MGA: variants seen among roughly 807,000 people sequenced by gnomAD.
The protein encoded by MGA is MAX dimerization protein MGA.
A neutral mutation model predicts 261.1 loss-of-function variants in MGA; 40 were observed. The ratio of observed to expected loss-of-function variants is 0.15; its 90% CI spans 0.12 to 0.20. MGA has a LOEUF of 0.20. MGA is among the 10% of genes least tolerant of loss of function. The pLI is 1.00. For synonymous variants in MGA, 1,302 were observed against 1,290.6 expected (o/e 1.01, Z -0.19); for missense variants, 3,397 against 3,630.5 (o/e 0.94, Z 1.65).
intron 11 of MGA, among the ~76,000 whole-genome samples, chr15:41,729,773 T>C (rs1203574700): frequency 6.6e-6 from 1 of 152,188 alleles, no homozygotes; most frequent in African/African-American, 2.4e-5. Context: ...GGTTGGAGGT[T>C]GCAGTGAGCT....
At chr15:41,625,813 G>C (rs906095695) in intron 1 of MGA, among the ~76,000 whole-genome samples, 22 of 152,156 alleles carry the variant, frequency 1.4e-4, no homozygotes, top group African/African-American at 5.1e-4. Context: ...TAATGACTTG[G>C]AAAGCATGTG....
intron 9 of MGA, among the ~76,000 whole-genome samples, chr15:41,725,320 T>C (rs1428474200): frequency 1.3e-5 from 2 of 152,126 alleles, no homozygotes; most frequent in Non-Finnish European, 2.9e-5. Context: ...AAAGAAAATT[T>C]TTTTTCTTTA....
chr15:41,686,275 G>A (rs962559972), intron 2 of MGA, among the ~76,000 whole-genome samples: 1 of 152,118 alleles, frequency 6.6e-6, no homozygotes, highest in Non-Finnish European at 1.5e-5. Context: ...CACTTTGGGA[G>A]GCCGAGGTAG....
intron 1 of MGA, among the ~76,000 whole-genome samples, chr15:41,625,743 A>T (rs994712687): frequency 1.3e-5 from 2 of 152,116 alleles, no homozygotes; most frequent in Admixed American, 1.3e-4. Flanking sequence ...AAATAAATAA[A>T]TACGGTGCCT....
At position 41,682,801 on chromosome 15, in the gene MGA, CCTGTATCTTAAG is replaced by C. The variant is rs574049326; in HGVS notation, c.1064+12848_1064+12859del. Among the ~76,000 whole-genome samples the C allele has an allele frequency of 4.8e-3, 728 of 152,104 alleles. 6 individuals are homozygous for C. Among genetic ancestry groups the C allele is most frequent in the African/African-American group, 0.017 (705 of 41,476 alleles). ...CGGCCTCATGTACGTTCTTTTGTGT[CCTGTATCTTAAG>C]CTGTCTTTACTGGTTTGTGTTGTTT... On this transcript the variant is annotated intron_variant, in intron 2 of 23. Coordinates refer to ENST00000219905, the MANE Select transcript of MGA (RefSeq NM_001164273.2).
Position 41,693,377 on chromosome 15 carries a change from C to A in MGA, c.1065-2698C>A, listed in dbSNP as rs371255206. Among the ~76,000 whole-genome samples the A allele has an allele frequency of 7.2e-3, 1,001 of 138,974 alleles. 13 individuals carry two copies. The highest frequency in any genetic ancestry group is 0.026 in the African/African-American group (959 of 37,126). 91.2% of individuals were successfully genotyped at this position (138,974 alleles called of 152,430 possible). ...TCTGTGTCCATGCGTTCTCATTGTT[C>A]AATTCCCACCTATGAGTGAGAATAT... On this transcript the variant is annotated intron_variant, in intron 2 of 23. Transcript: ENST00000219905.
rs1481337172 is a variant in MGA at position 41,710,780 on chromosome 15, G to A, written c.2515G>A (p.Glu839Lys). The A allele has an allele frequency of 6.2e-6, 10 of 1,613,888 alleles. No homozygotes were observed. The highest frequency in any genetic ancestry group is 8.5e-6 in the Non-Finnish European group (10 of 1,179,830). ...CTTGGAAAATGAAGGCAAGCTGATG[G>A]AAACAAGCATGGGTTTTTCTTCTAA... Residue 839 changes from glutamate to lysine, a missense_variant, in exon 8 of 24, where the codon GAA becomes AAA. By Grantham distance (56) the Glu-to-Lys change is moderately conservative. This residue lies in a region of MGA where 519 missense variants were observed against 554.1 expected (regional missense o/e 0.94). Transcript: ENST00000219905.
At chr15:41,626,964 A>C (rs2056470803) in intron 1 of MGA, among the ~76,000 whole-genome samples, 1 of 152,146 alleles carries the variant, frequency 6.6e-6, no homozygotes, top group Non-Finnish European at 1.5e-5. Context: ...TCCTGGGTTC[A>C]AGTGATCCTC....
At position 41,686,858 on chromosome 15, in the gene MGA, A is replaced by G. The variant is rs184101176; in HGVS notation, c.1065-9217A>G. ...CCATGATGATATCATCCTTTTTAAT[A>G]TTACTGGTTTCAATTTGCTAATATT... On this transcript the variant is annotated intron_variant, in intron 2 of 23. Transcript: ENST00000219905. 2.0e-5 allele frequency among the ~76,000 whole-genome samples: 3 copies of G among 152,130 alleles called. No homozygotes were observed. In the East Asian group the frequency reaches 5.8e-4, roughly 29 times the overall value.
chr15:41,658,735 T>A (rs2057263343), upstream of MGA, among the ~76,000 whole-genome samples: 3 of 151,154 alleles, frequency 2.0e-5, no homozygotes. Context: ...TTAAAGTATC[T>A]AGTATTTAGT....
chr15:41,695,984 G>T (rs1328972499), intron 2 of MGA, 91 bp from the exon 3 acceptor site: 4 of 984,004 alleles, frequency 4.1e-6, no homozygotes, highest in South Asian at 1.7e-5. Flanking sequence ...GTGTTACTTG[G>T]ATTCCTAACA....
At chr15:41,626,854 A>G (rs767122761) in intron 1 of MGA, among the ~76,000 whole-genome samples, 10 of 152,166 alleles carry the variant, frequency 6.6e-5, no homozygotes, top group African/African-American at 9.7e-5. Flanking sequence ...TATATTTACT[A>G]TAATTAAAAT....
At chr15:41,742,464 C>T in intron 14 of MGA, 82 bp from the exon 15 acceptor site, 24 of 1,498,520 alleles carry the variant, frequency 1.6e-5, no homozygotes, top group Non-Finnish European at 2.1e-5. Context: ...CAGTAGTGCA[C>T]AGTAAATGTC....
chr15:41,759,777 A>T (rs192654199), intron 19 of MGA, among the ~76,000 whole-genome samples: 2 of 152,144 alleles, frequency 1.3e-5, no homozygotes, highest in Non-Finnish European at 2.9e-5. Flanking sequence ...ATGGGGGTTT[A>T]GGTAAGAGGT....
At chr15:41,649,080 T>C (rs956817223) in intron 1 of MGA, among the ~76,000 whole-genome samples, 66 of 151,992 alleles carry the variant, frequency 4.3e-4, no homozygotes, top group African/African-American at 1.5e-3. Flanking sequence ...GGGTACAATG[T>C]AGAGGTTAAA....
intron 1 of MGA, among the ~76,000 whole-genome samples, chr15:41,667,948 C>T (rs773228975): frequency 1.3e-5 from 2 of 151,904 alleles, no homozygotes; most frequent in Non-Finnish European, 2.9e-5. Flanking sequence ...GGACTACAGG[C>T]GTGCACCACC....
In MGA at chr15:41,768,514, T is replaced by G. The variant is rs768324954; in HGVS notation, c.*1234T>G. 2.0e-5 allele frequency: 3 copies of G among 152,632 alleles called. No individual in the cohort carries two copies. The highest frequency in any genetic ancestry group is 6.5e-5 in the Admixed American group (1 of 15,270). The allele number at this position is 152,632 out of a possible 1,614,324, so 9.5% of individuals were successfully genotyped here. ...AGTTTGTAAATAATCATGGTGCACTTGAGGGGTCTCTTGGAAACTCCTAGG... is the reference window on the plus strand; with the variant it reads ...AGTTTGTAAATAATCATGGTGCACTGGAGGGGTCTCTTGGAAACTCCTAGG... On this transcript the variant is annotated 3_prime_UTR_variant, in exon 24 of 24. Coordinates refer to ENST00000219905, the MANE Select transcript of MGA (RefSeq NM_001164273.2).
At chr15:41,707,148 T>A (rs1394152793) in intron 5 of MGA, among the ~76,000 whole-genome samples, 2 of 152,216 alleles carry the variant, frequency 1.3e-5, no homozygotes, top group Admixed American at 6.5e-5. Flanking sequence ...TGCTCTTTTT[T>A]AATTAGTTAC....
chr15:41,699,179 T>C lies in MGA; in HGVS notation c.2188+20T>C. On this transcript the variant is annotated intron_variant, in intron 5 of 23. Transcript: ENST00000219905. ...AAGAAGGTAATAGACTAGCGACTTC[T>C]TTTTTTTTGTTTTCTTTTTTTCTTT... The C allele has an allele frequency of 1.5e-6, 2 of 1,315,014 alleles. No homozygotes were observed. Among genetic ancestry groups the C allele is most frequent in the Non-Finnish European group, 2.1e-6 (2 of 973,294 alleles). The allele number at this position is 1,315,014 out of a possible 1,614,324, so 81.5% of individuals were successfully genotyped here.
Sources: allele counts gnomAD v4.1 joint callset (sites outside exome capture counted in the v4.1 genomes callset), GRCh38; gene constraint gnomAD v4.1.1; regional missense constraint gnomAD v4.1.1; transcripts MANE v1.5; gene names NCBI Gene and HGNC (gene_info 2026-07-23, HGNC 2026-07-21).